Variants in DAB1 observed in about 807,000 individuals in gnomAD.
The protein encoded by DAB1 is disabled homolog 1.
Under a neutral mutation model 64.6 loss-of-function variants are expected in DAB1, and 15 were observed. That is an observed-to-expected ratio of 0.23 (90% CI 0.16 to 0.36). The LOEUF (loss-of-function observed/expected upper bound fraction) is 0.36. Among genes scored for constraint, DAB1 ranks in the 10% least tolerant of loss-of-function variants. The probability of loss-of-function intolerance (pLI) is 1.00; values close to 1 mark genes in which losing one functional copy is unlikely to be tolerated. For missense variants in DAB1, 596 were observed against 706.7 expected (o/e 0.84, Z 1.78); for synonymous variants, 235 against 251.9 (o/e 0.93, Z 0.64).
intron 1 of DAB1, among the ~76,000 whole-genome samples, chr1:57,421,241 C>G (rs1408407236): frequency 2.0e-5 from 3 of 152,130 alleles, no homozygotes; most frequent in Non-Finnish European, 4.4e-5. Flanking sequence ...TCCCGGCAGC[C>G]TCACACAATG....
chr1:57,098,457 T>C (rs1030415415), intron 4 of DAB1, among the ~76,000 whole-genome samples: 5 of 152,146 alleles, frequency 3.3e-5, no homozygotes, highest in Admixed American at 2.6e-4. Context: ...GGACCCCCAT[T>C]ACCATCTAAT....
chr1:57,987,603 G>C (rs1440671748), intron 5 of DAB1, among the ~76,000 whole-genome samples: 1 of 152,154 alleles, frequency 6.6e-6, no homozygotes, highest in Admixed American at 6.5e-5. Flanking sequence ...GTGGCAGAGT[G>C]TGATAAGCTA....
intron 3 of DAB1, among the ~76,000 whole-genome samples, chr1:58,416,619 A>G (rs536627296): frequency 8.2e-4 from 125 of 152,274 alleles, no homozygotes; most frequent in African/African-American, 2.9e-3. Context: ...CTAATACTCA[A>G]GTTGGTTATT....
intron 5 of DAB1, among the ~76,000 whole-genome samples, chr1:58,112,353 G>A (rs1652020937): frequency 6.6e-6 from 1 of 152,184 alleles, no homozygotes; most frequent in Admixed American, 6.5e-5. Flanking sequence ...CTATAACAGT[G>A]CCAAGTATAA....
At chr1:57,913,031 T>C (rs1001253139) in intron 5 of DAB1, among the ~76,000 whole-genome samples, 3 of 152,222 alleles carry the variant, frequency 2.0e-5, no homozygotes, top group African/African-American at 7.2e-5. Context: ...AGGTAATTTA[T>C]AGATTCAATG....
intron 2 of DAB1, among the ~76,000 whole-genome samples, chr1:57,146,947 TGAG>T (rs764575359): frequency 3.9e-5 from 6 of 152,186 alleles, no homozygotes; most frequent in Non-Finnish European, 7.3e-5. Context: ...AGCATTAGCA[TGAG>T]CAGTAACTTC....
At position 58,395,681 on chromosome 1, in the gene DAB1, A is replaced by G. The variant is rs191597826; in HGVS notation, n.258-52278T>C. ...CTGGAGCTCTTTTTTTTGGGAAGTT[A>G]GAGGCAGAAAGAAGACAGCCAGGCA... is the stretch of plus-strand genomic sequence containing the variant. On this transcript the variant is annotated intron_variant and non_coding_transcript_variant, in intron 3 of 20. Transcript: ENST00000485760. Among the ~76,000 whole-genome samples the G allele has an allele frequency of 9.4e-3, 1,435 of 152,334 alleles. 27 individuals are homozygous for G. The highest frequency in any genetic ancestry group is 0.034 in the African/African-American group (1,394 of 41,574).
chr1:57,304,325 C>T (rs554123992), intron 1 of DAB1, among the ~76,000 whole-genome samples: 1 of 151,756 alleles, frequency 6.6e-6, no homozygotes, highest in East Asian at 1.9e-4. Flanking sequence ...ACCTCCCCCC[C>T]ACACCCTCCC....
intron 2 of DAB1, among the ~76,000 whole-genome samples, chr1:57,263,842 G>T (rs1185080009): frequency 6.6e-6 from 1 of 152,168 alleles, no homozygotes; most frequent in Non-Finnish European, 1.5e-5. Flanking sequence ...GACTAAAAAT[G>T]GTTAGGTGAC....
chr1:58,133,764 T>C (rs1184882799), intron 5 of DAB1, among the ~76,000 whole-genome samples: 2 of 152,198 alleles, frequency 1.3e-5, no homozygotes, highest in Admixed American at 1.3e-4. Flanking sequence ...TGTTCTTTGA[T>C]CATTTACACT....
At chr1:57,536,793 C>G (rs1159330824) in intron 7 of DAB1, among the ~76,000 whole-genome samples, 1 of 152,186 alleles carries the variant, frequency 6.6e-6, no homozygotes, top group Admixed American at 6.5e-5. Flanking sequence ...CACTCCCACC[C>G]CCGCCAGCCT....
chr1:57,682,093 T>C (rs931706139), intron 6 of DAB1, among the ~76,000 whole-genome samples: 1 of 151,558 alleles, frequency 6.6e-6, no homozygotes, highest in Non-Finnish European at 1.5e-5. Context: ...AACAATAAAG[T>C]GAAAGATCAT....
At chr1:58,167,929 G>C (rs1655952869) in intron 4 of DAB1, among the ~76,000 whole-genome samples, 1 of 152,128 alleles carries the variant, frequency 6.6e-6, no homozygotes, top group Non-Finnish European at 1.5e-5. Flanking sequence ...TCACTGTGAG[G>C]GTCCACAGCT....
chr1:58,319,504 T>C (rs1475033794), intron 4 of DAB1, among the ~76,000 whole-genome samples: 1 of 152,214 alleles, frequency 6.6e-6, no homozygotes, highest in Non-Finnish European at 1.5e-5. Context: ...TCAGGACTCT[T>C]CCTTCTCTCT....
At chr1:58,208,362 G>T (rs559787128) in intron 4 of DAB1, among the ~76,000 whole-genome samples, 6 of 152,076 alleles carry the variant, frequency 3.9e-5, no homozygotes, top group African/African-American at 1.4e-4. Context: ...GTTCTTTAGC[G>T]GAGATTTCTG....
intron 1 of DAB1, among the ~76,000 whole-genome samples, chr1:57,883,153 A>G (rs1214414333): frequency 6.6e-6 from 1 of 152,196 alleles, no homozygotes; most frequent in African/African-American, 2.4e-5. Context: ...TTTGATATCC[A>G]GGTCAATCTC....
At chr1:57,003,335 C>T (rs953898687) in intron 14 of DAB1, among the ~76,000 whole-genome samples, 2 of 152,144 alleles carry the variant, frequency 1.3e-5, no homozygotes, top group African/African-American at 2.4e-5. Context: ...AGTTTATATA[C>T]GGTCTTTCCA....
chr1:57,405,512 C>G (rs1338011083), intron 1 of DAB1, among the ~76,000 whole-genome samples: 1 of 152,162 alleles, frequency 6.6e-6, no homozygotes, highest in African/African-American at 2.4e-5. Context: ...AGCCCTTAGG[C>G]CAGTTATCTT....
At chr1:57,401,241 T>C (rs991040878) in intron 1 of DAB1, among the ~76,000 whole-genome samples, 1 of 152,162 alleles carries the variant, frequency 6.6e-6, no homozygotes, top group African/African-American at 2.4e-5. Flanking sequence ...ATATAAGCAA[T>C]TTCACAACAA....
Sources: allele counts gnomAD v4.1 joint callset (sites outside exome capture counted in the v4.1 genomes callset), GRCh38; gene constraint gnomAD v4.1.1; transcripts MANE v1.5; gene names NCBI Gene and HGNC (gene_info 2026-07-23, HGNC 2026-07-21).